Variants in MUSK observed in about 807,000 individuals in gnomAD.
MUSK encodes the protein muscle associated receptor tyrosine kinase.
In MUSK, 55 loss-of-function variants were observed where a neutral mutation model predicts 88.7. The observed-to-expected ratio is 0.62, with a 90% confidence interval of 0.50 to 0.78. MUSK has a LOEUF of 0.78. Ranked by LOEUF, MUSK falls within the 30% of genes least tolerant of loss-of-function variation. The pLI is 0.00. For synonymous variants in MUSK, 387 were observed against 391.9 expected (o/e 0.99, Z 0.15); for missense variants, 1,015 against 1,074.3 (o/e 0.94, Z 0.77).
intron 11 of MUSK, among the ~76,000 whole-genome samples, chr9:110,783,099 A>C (rs1391044905): frequency 1.3e-5 from 2 of 152,108 alleles, no homozygotes; most frequent in Non-Finnish European, 2.9e-5. Flanking sequence ...TACTGCCATA[A>C]AGGTTTTATT....
At chr9:110,762,284 G>A in intron 8 of MUSK, 76 bp downstream of exon 8, 2 of 1,200,392 alleles carry the variant, frequency 1.7e-6, no homozygotes, top group East Asian at 5.4e-5. Flanking sequence ...TTTTGTCTGT[G>A]AGAGGGTCTT....
chr9:110,689,190 T>TA (rs1266652363), intron 3 of MUSK, among the ~76,000 whole-genome samples: 2 of 120,148 alleles, frequency 1.7e-5, no homozygotes, highest in Admixed American at 9.6e-5. Flanking sequence ...TATAAATATA[T>TA]CATATATATA....
chr9:110,697,549 G>A, intron 5 of MUSK, 83 bp downstream of exon 5: 1 of 1,435,982 alleles, frequency 7.0e-7, no homozygotes, highest in East Asian at 2.4e-5. Flanking sequence ...GCTTGGGAGA[G>A]AAGAGATGTG....
intron 5 of MUSK, among the ~76,000 whole-genome samples, chr9:110,718,008 A>G (rs2076766191): frequency 1.3e-5 from 2 of 152,150 alleles, no homozygotes; most frequent in African/African-American, 4.8e-5. Flanking sequence ...TGACTTTCCC[A>G]GGCCAATGTA....
At chr9:110,682,620 G>A (rs2076147505) in intron 1 of MUSK, 54 bp from the exon 2 acceptor site, 1 of 1,589,826 alleles carries the variant, frequency 6.3e-7, no homozygotes, top group Non-Finnish European at 8.6e-7. Context: ...CTTAAGGAAG[G>A]GTTAGTAAAC....
chr9:110,713,637 G>A (rs2076705626), intron 5 of MUSK, among the ~76,000 whole-genome samples: 1 of 152,090 alleles, frequency 6.6e-6, no homozygotes, highest in Non-Finnish European at 1.5e-5. Flanking sequence ...GAGGCATATG[G>A]CCTTATCTGG....
chr9:110,687,145 G>C lies in MUSK; in HGVS notation c.235G>C (p.Glu79Gln). ...CTTTGACACCCGGTACAGCATCCGG[G>C]AGAATGGGCAGCTCCTCACCATCCT... ...KLFDTRYSIR[E>Q]NGQLLTILSV... is the part of the protein sequence containing the mutation. Residue 79 changes from glutamate (E) to glutamine (Q), a missense_variant, in exon 3 of 15, where the codon GAG becomes CAG. Glu to Gln is a conservative substitution (Grantham distance 29). Coordinates refer to ENST00000374448, the MANE Select transcript of MUSK (RefSeq NM_005592.4). 2 of 1,613,576 alleles carry C rather than the reference G, an allele frequency of 1.2e-6. No homozygotes were observed. The highest frequency in any genetic ancestry group is 8.5e-7 in the Non-Finnish European group (1 of 1,179,700).
At chr9:110,673,831 A>G (rs1424774490) in intron 1 of MUSK, among the ~76,000 whole-genome samples, 1 of 152,218 alleles carries the variant, frequency 6.6e-6, no homozygotes, top group Non-Finnish European at 1.5e-5. Context: ...CAAAATACAT[A>G]AAGTTTAAGA....
chr9:110,741,241 C>A (rs1178429920), intron 6 of MUSK, among the ~76,000 whole-genome samples: 1 of 152,080 alleles, frequency 6.6e-6, no homozygotes, highest in Non-Finnish European at 1.5e-5. Context: ...TCACCTTGTT[C>A]ACCTTAAATA....
intron 5 of MUSK, among the ~76,000 whole-genome samples, chr9:110,729,546 T>TACA (rs1165598755): frequency 6.6e-6 from 1 of 151,866 alleles, no homozygotes; most frequent in African/African-American, 2.4e-5. Flanking sequence ...ACAGATAATG[T>TACA]TTTCTTATTT....
intron 5 of MUSK, among the ~76,000 whole-genome samples, chr9:110,727,089 A>C (rs2076895760): frequency 2.0e-5 from 3 of 152,134 alleles, no homozygotes; most frequent in African/African-American, 7.2e-5. Flanking sequence ...TCTCCTTTTA[A>C]CGATAAATAT....
At chr9:110,783,274 T>C (rs913148881) in intron 11 of MUSK, among the ~76,000 whole-genome samples, 5 of 152,238 alleles carry the variant, frequency 3.3e-5, no homozygotes, top group Admixed American at 1.3e-4. Context: ...GGTTGTGATA[T>C]TGGTATTATA....
At chr9:110,693,483 C>G (rs538533350) in intron 3 of MUSK, among the ~76,000 whole-genome samples, 109 of 152,278 alleles carry the variant, frequency 7.2e-4, no homozygotes, top group African/African-American at 2.5e-3. Flanking sequence ...TCCTAATGGT[C>G]CATCAGCTAA....
intron 9 of MUSK, among the ~76,000 whole-genome samples, chr9:110,772,165 G>A (rs1327796372): frequency 6.6e-6 from 1 of 150,666 alleles, no homozygotes; most frequent in Non-Finnish European, 1.5e-5. Flanking sequence ...TGAAATTTCA[G>A]AAATTTTTAC....
chr9:110,742,023 T>C (rs542275461), intron 6 of MUSK, among the ~76,000 whole-genome samples: 1 of 152,262 alleles, frequency 6.6e-6, no homozygotes, highest in Admixed American at 6.5e-5. Flanking sequence ...TAACTTGGAG[T>C]GCCTGTTCTT....
Position 110,668,884 on chromosome 9 carries a change from C to T in MUSK, c.-21C>T. The T allele has an allele frequency of 6.2e-7, 1 of 1,603,064 alleles. No homozygotes were observed. Among genetic ancestry groups the T allele is most frequent in the East Asian group, 2.2e-5 (1 of 44,814 alleles). ...TGCGTTGTCCAGAAGGAACTTCGTC[C>T]TGCGTGAGCCTGGATTAATCATGAG... is the stretch of plus-strand genomic sequence containing the variant. On this transcript the variant is annotated 5_prime_UTR_variant, in exon 1 of 15. Transcript: ENST00000374448.
At chr9:110,678,289 T>C (rs1306584528) in intron 1 of MUSK, among the ~76,000 whole-genome samples, 1 of 151,984 alleles carries the variant, frequency 6.6e-6, no homozygotes, top group African/African-American at 2.4e-5. Flanking sequence ...ATTTTTTTAT[T>C]TTTGTATTTT....
intron 8 of MUSK, among the ~76,000 whole-genome samples, chr9:110,765,661 C>G (rs1364001595): frequency 6.6e-6 from 1 of 152,024 alleles, no homozygotes; most frequent in African/African-American, 2.4e-5. Flanking sequence ...GCAACCTCTG[C>G]CCCCCAGATT....
intron 1 of MUSK, 40 bp downstream of exon 1, chr9:110,669,023 G>C: frequency 6.5e-7 from 1 of 1,543,666 alleles, no homozygotes; most frequent in Admixed American, 1.7e-5. Context: ...GTCTTGTCAT[G>C]GTTGTAAAGT....
Sources: allele counts gnomAD v4.1 joint callset (sites outside exome capture counted in the v4.1 genomes callset), GRCh38; gene constraint gnomAD v4.1.1; transcripts MANE v1.5; gene names NCBI Gene and HGNC (gene_info 2026-07-23, HGNC 2026-07-21).